CRY1: variants seen among roughly 807,000 people sequenced by gnomAD.
The protein encoded by CRY1 is cryptochrome-1.
Under a neutral mutation model 76.0 loss-of-function variants are expected in CRY1, and 45 were observed. That is an observed-to-expected ratio of 0.59 (90% CI 0.47 to 0.76). The LOEUF is 0.76. CRY1 is among the 30% of genes least tolerant of loss of function. The pLI is 0.00. For synonymous variants in CRY1, 248 were observed against 244.0 expected (o/e 1.02, Z -0.15); for missense variants, 587 against 716.4 (o/e 0.82, Z 2.06).
chr12:107,052,318 TACC>T (rs1477440942), intron 1 of CRY1, among the ~76,000 whole-genome samples: 1 of 152,162 alleles, frequency 6.6e-6, no homozygotes, highest in East Asian at 1.9e-4. Context: ...AGTACCTCTT[TACC>T]ACAAGGGCAG....
intron 7 of CRY1, among the ~76,000 whole-genome samples, chr12:106,998,833 A>C (rs755257828): frequency 3.9e-5 from 6 of 152,090 alleles, no homozygotes; most frequent in Non-Finnish European, 8.8e-5. Flanking sequence ...ATTTGAGGTC[A>C]GGAGTTCAAG....
chr12:107,047,632 C>T (rs969255126), intron 1 of CRY1, among the ~76,000 whole-genome samples: 2 of 152,146 alleles, frequency 1.3e-5, no homozygotes, highest in Non-Finnish European at 2.9e-5. Flanking sequence ...CCTGCTGCCA[C>T]GTGAAGAAGG....
chr12:107,009,562 AC>A (rs66909390), intron 2 of CRY1, among the ~76,000 whole-genome samples: 11,343 of 52,726 alleles, frequency 0.22, 890 homozygotes, highest in Admixed American at 0.3. Context: ...AAACAAAAAA[AC>A]ATATATATAT....
chr12:107,034,804 G>A (rs746356338), intron 1 of CRY1, among the ~76,000 whole-genome samples: 3 of 152,020 alleles, frequency 2.0e-5, no homozygotes, highest in Non-Finnish European at 2.9e-5. Context: ...AAGTACTATC[G>A]ATACAGAAAA....
chr12:107,046,070 T>C (rs1409373683), intron 1 of CRY1, among the ~76,000 whole-genome samples: 1 of 150,220 alleles, frequency 6.7e-6, no homozygotes, highest in Non-Finnish European at 1.5e-5. Context: ...GAGGTTGCAG[T>C]GAGCCGAGAT....
chr12:107,050,802 G>A (rs1265936737), intron 1 of CRY1, among the ~76,000 whole-genome samples: 1 of 152,124 alleles, frequency 6.6e-6, no homozygotes, highest in African/African-American at 2.4e-5. Context: ...AGCCTTGGAA[G>A]GACAGACTAA....
In CRY1 at chr12:107,024,342, GATTAATTA is replaced by G. The variant is rs1158379605; in HGVS notation, c.159-2158_159-2151del. On this transcript the variant is annotated intron_variant, in intron 1 of 12. Coordinates refer to ENST00000008527, the MANE Select transcript of CRY1 (RefSeq NM_004075.5). ...TTCATAAAATGAAGAATTAAGTATG[GATTAATTA>G]ATAATCTTTCCCTTTCTTAATAGGC... Among the ~76,000 whole-genome samples the G allele has an allele frequency of 5.9e-5, 9 of 151,714 alleles. No individual in the cohort carries two copies. The East Asian group carries it at 1.7e-3, about 29-fold the overall frequency.
chr12:107,013,501 T>C (rs1317535045), intron 2 of CRY1, among the ~76,000 whole-genome samples: 1 of 152,234 alleles, frequency 6.6e-6, no homozygotes, highest in Admixed American at 6.5e-5. Flanking sequence ...TGTGACTTGC[T>C]TTATTGTGAT....
intron 1 of CRY1, among the ~76,000 whole-genome samples, chr12:107,075,104 C>A (rs1258180992): frequency 6.6e-6 from 1 of 152,088 alleles, no homozygotes; most frequent in Non-Finnish European, 1.5e-5. Flanking sequence ...CCTTCTATAC[C>A]CTGTGCAAAG....
At chr12:107,004,509 C>G (rs773173288) in intron 3 of CRY1, among the ~76,000 whole-genome samples, 6 of 152,024 alleles carry the variant, frequency 3.9e-5, no homozygotes, top group Non-Finnish European at 8.8e-5. Context: ...TATAACACTC[C>G]CTAAATTTAA....
At chr12:107,030,653 T>C (rs1952664392) in intron 1 of CRY1, among the ~76,000 whole-genome samples, 1 of 151,934 alleles carries the variant, frequency 6.6e-6, no homozygotes, top group Non-Finnish European at 1.5e-5. Flanking sequence ...GAAGGGACAC[T>C]AAATAACAGT....
intron 3 of CRY1, 114 bp downstream of exon 3, chr12:107,004,992 T>C (rs1019234829): frequency 1.1e-6 from 1 of 906,234 alleles, no homozygotes; most frequent in African/African-American, 1.7e-5. Flanking sequence ...TAAACCTCAG[T>C]TAAAAACTTA....
At chr12:107,037,897 T>C (rs1317451397) in intron 1 of CRY1, among the ~76,000 whole-genome samples, 4 of 151,994 alleles carry the variant, frequency 2.6e-5, no homozygotes, top group African/African-American at 4.8e-5. Flanking sequence ...TTTGTAGCTA[T>C]GGGGTCTCAC....
intron 2 of CRY1, 21 bp downstream of exon 2, chr12:107,022,063 T>G: frequency 6.6e-7 from 1 of 1,523,452 alleles, no homozygotes; most frequent in Non-Finnish European, 9.1e-7. Context: ...GATTGTTTTA[T>G]GCAAATATTT....
chr12:107,043,769 T>A (rs1456794701), intron 1 of CRY1, among the ~76,000 whole-genome samples: 1 of 152,110 alleles, frequency 6.6e-6, no homozygotes, highest in African/African-American at 2.4e-5. Flanking sequence ...TTGCTGCCAC[T>A]ACATCTGGCC....
chr12:107,048,015 G>C (rs1952869927), intron 1 of CRY1, among the ~76,000 whole-genome samples: 1 of 150,806 alleles, frequency 6.6e-6, no homozygotes, highest in Admixed American at 6.6e-5. Flanking sequence ...GACTAATATA[G>C]AAAACAAGTA....
At chr12:106,998,449 A>G (rs545273323) in intron 7 of CRY1, among the ~76,000 whole-genome samples, 62 of 152,350 alleles carry the variant, frequency 4.1e-4, no homozygotes, top group African/African-American at 1.5e-3. Flanking sequence ...AACACCAACA[A>G]AAACTTAGCT....
intron 2 of CRY1, among the ~76,000 whole-genome samples, chr12:107,017,791 T>C (rs192065015): frequency 1.5e-3 from 235 of 152,334 alleles, no homozygotes; most frequent in African/African-American, 5.2e-3. Context: ...GGATATGATA[T>C]ACCACAACCC....
In CRY1 at chr12:107,011,011, A is replaced by G. The variant is rs140383093; in HGVS notation, c.268-5763T>C. On this transcript the variant is annotated intron_variant, in intron 2 of 12. Coordinates refer to ENST00000008527, the MANE Select transcript of CRY1 (RefSeq NM_004075.5). ...AGTCACACATCTCTCACTTTCAACC[A>G]AAAGCTAGAAATAAGCTTAGTGAGG... 3.4e-3 allele frequency among the ~76,000 whole-genome samples: 523 copies of G among 152,316 alleles called. 19 individuals carry two copies. Among genetic ancestry groups the G allele is most frequent in the Admixed American group, 0.031 (467 of 15,294 alleles).
Sources: allele counts gnomAD v4.1 joint callset (sites outside exome capture counted in the v4.1 genomes callset), GRCh38; gene constraint gnomAD v4.1.1; transcripts MANE v1.5; gene names NCBI Gene and HGNC (gene_info 2026-07-23, HGNC 2026-07-21).